Variants in PDE1C observed in about 807,000 individuals in gnomAD.
PDE1C encodes dual specificity calcium/calmodulin-dependent 3',5'-cyclic nucleotide phosphodiesterase 1C.
In PDE1C, 62 loss-of-function variants were observed where a neutral mutation model predicts 93.1. The observed-to-expected ratio is 0.67, with a 90% CI of 0.54 to 0.82. PDE1C has a LOEUF of 0.82. Ranked by LOEUF, PDE1C falls within the 40% of genes least tolerant of loss-of-function variation. PDE1C has a pLI of 0.00. For missense variants in PDE1C, 742 were observed against 884.6 expected, an observed-to-expected ratio of 0.84 and a Z score of 2.04; for synonymous variants, 325 against 310.1, an observed-to-expected ratio of 1.05 and a Z score of -0.50.
chr7:31,709,709 A>G, the PDE1C span, among the ~76,000 whole-genome samples: 1 of 152,194 alleles, frequency 6.6e-6, no homozygotes, highest in Non-Finnish European at 1.5e-5. Context: ...ACTTGGGTGG[A>G]AGCCAAACCT....
At chr7:31,849,423 A>G (rs946427268) in intron 8 of PDE1C, among the ~76,000 whole-genome samples, 1 of 152,132 alleles carries the variant, frequency 6.6e-6, no homozygotes, top group African/African-American at 2.4e-5. Context: ...ACAACCACAA[A>G]AAGCTGCTTT....
chr7:32,063,134 A>G (rs1356377537), intron 1 of PDE1C, among the ~76,000 whole-genome samples: 1 of 152,206 alleles, frequency 6.6e-6, no homozygotes, highest in East Asian at 1.9e-4. Context: ...TTGTTGTAGA[A>G]TTCATTTTTA....
the PDE1C span, chr7:31,652,002 A>C: frequency 1.2e-6 from 2 of 1,605,948 alleles, no homozygotes; most frequent in South Asian, 2.3e-5. Flanking sequence ...CAGAGTTGGA[A>C]TTTCAGTTAG....
chr7:31,775,582 G>A (rs1465486027), intron 17 of PDE1C, 82 bp downstream of exon 17: 2 of 1,181,430 alleles, frequency 1.7e-6, no homozygotes, highest in Non-Finnish European at 2.5e-6. Context: ...CATGTTCTCA[G>A]TTTATCAACC....
At chr7:32,364,382 T>A (rs917905776) in intron 1 of PDE1C, among the ~76,000 whole-genome samples, 4 of 151,916 alleles carry the variant, frequency 2.6e-5, no homozygotes, top group African/African-American at 9.7e-5. Flanking sequence ...AGTGCTAGAG[T>A]GTACCTGTGG....
chr7:32,211,585 A>C (rs1269372881), intron 1 of PDE1C, among the ~76,000 whole-genome samples: 1 of 146,452 alleles, frequency 6.8e-6, no homozygotes, highest in African/African-American at 2.7e-5. Context: ...TATAATAAAA[A>C]AAAAGGGGGG....
intron 1 of PDE1C, among the ~76,000 whole-genome samples, chr7:32,404,198 TTCCA>T (rs1785007325): frequency 6.6e-6 from 1 of 152,186 alleles, no homozygotes; most frequent in Non-Finnish European, 1.5e-5. Context: ...GTGGTGCCTA[TTCCA>T]TAGGGTTGCT....
At chr7:31,869,661 T>C (rs766054045) in intron 6 of PDE1C, among the ~76,000 whole-genome samples, 5 of 152,074 alleles carry the variant, frequency 3.3e-5, no homozygotes, top group Admixed American at 3.3e-4. Context: ...GAGACTCTAA[T>C]ACAATAATAG....
At chr7:31,651,973 G>A in the PDE1C span, 1 of 1,604,406 alleles carries the variant, frequency 6.2e-7, no homozygotes. Flanking sequence ...GTTACGTGAG[G>A]CCCTGAGGCA....
chr7:32,383,461 C>T (rs1016619677), intron 1 of PDE1C, among the ~76,000 whole-genome samples: 3 of 152,204 alleles, frequency 2.0e-5, no homozygotes, highest in Non-Finnish European at 4.4e-5. Context: ...CTAATGAGGT[C>T]TCTTCTAGAT....
At chr7:32,083,610 G>T (rs1243657537) in intron 3 of PDE1C, among the ~76,000 whole-genome samples, 1 of 152,174 alleles carries the variant, frequency 6.6e-6, no homozygotes, top group Non-Finnish European at 1.5e-5. Context: ...AGAAAGGTCG[G>T]ATTACCCACA....
intron 3 of PDE1C, among the ~76,000 whole-genome samples, chr7:32,158,516 A>T (rs946117613): frequency 6.6e-6 from 1 of 152,186 alleles, no homozygotes; most frequent in African/African-American, 2.4e-5. Flanking sequence ...ATTTAGAAGG[A>T]TGTAATTTAA....
intron 2 of PDE1C, among the ~76,000 whole-genome samples, chr7:31,955,579 G>A (rs1219929312): frequency 1.3e-5 from 2 of 152,078 alleles, no homozygotes; most frequent in Admixed American, 1.3e-4. Flanking sequence ...AAAGTATACT[G>A]ATTAATTGTC....
At chr7:32,049,702 T>A (rs1359889439) in intron 2 of PDE1C, among the ~76,000 whole-genome samples, 1 of 152,186 alleles carries the variant, frequency 6.6e-6, no homozygotes. Context: ...ATTTTTTTAA[T>A]CTGCATGTAA....
upstream of PDE1C, chr7:32,070,614 C>T (rs1001278428): frequency 4.2e-6 from 6 of 1,415,842 alleles, no homozygotes; most frequent in African/African-American, 8.7e-5. Context: ...GCTGCGGGAA[C>T]CAGCCATGGT....
the PDE1C span, among the ~76,000 whole-genome samples, chr7:31,644,345 C>A: frequency 6.6e-6 from 1 of 152,174 alleles, no homozygotes; most frequent in Non-Finnish European, 1.5e-5. Flanking sequence ...GCCATTTAAT[C>A]TTTTTGTAAA....
chr7:32,333,602 A>C (rs1227430449), intron 1 of PDE1C, among the ~76,000 whole-genome samples: 2 of 152,210 alleles, frequency 1.3e-5, no homozygotes, highest in Non-Finnish European at 1.5e-5. Context: ...AATGAAAAAA[A>C]CACACGCTTT....
At chr7:32,195,897 G>A (rs958837885) in intron 2 of PDE1C, among the ~76,000 whole-genome samples, 7 of 152,096 alleles carry the variant, frequency 4.6e-5, no homozygotes, top group African/African-American at 9.7e-5. Context: ...CTTTGTTATC[G>A]CTGGGAAGGG....
At chr7:32,356,042 T>G (rs777545471) in intron 1 of PDE1C, among the ~76,000 whole-genome samples, 2 of 152,156 alleles carry the variant, frequency 1.3e-5, no homozygotes, top group Non-Finnish European at 2.9e-5. Flanking sequence ...AATTGGACAA[T>G]AGGGGGAACC....
Sources: gnomAD v4.1 joint callset for allele counts (sites outside exome capture counted in the v4.1 genomes callset) on GRCh38, gnomAD v4.1.1 for gene constraint, MANE v1.5 for transcripts, NCBI Gene and HGNC (gene_info 2026-07-23, HGNC 2026-07-21) for gene names.